Variants in LNX2 observed in about 807,000 individuals in gnomAD.
LNX2 encodes the protein ligand of numb-protein X 2, also known as ligand of Numb protein X 2.
In LNX2, 35 loss-of-function variants were observed where a neutral mutation model predicts 66.2. The ratio of observed to expected loss-of-function variants is 0.53; its 90% CI spans 0.40 to 0.70. LNX2 has a LOEUF of 0.70. Ranked by LOEUF, LNX2 falls within the 30% of genes least tolerant of loss-of-function variation. The pLI, the probability that LNX2 is intolerant of heterozygous loss-of-function variation, is 0.00. For synonymous variants in LNX2, 337 were observed against 315.6 expected, an observed-to-expected ratio of 1.07 and a Z score of -0.72; for missense variants, 791 against 850.8, an observed-to-expected ratio of 0.93 and a Z score of 0.87.
chr13:27,548,262 C>T lies in LNX2; in HGVS notation c.*73G>A, dbSNP rs891680612. 4.7e-6 allele frequency: 7 copies of T among 1,494,812 alleles called. No individual in the cohort carries two copies. Among genetic ancestry groups the T allele is most frequent in the Middle Eastern group, 1.8e-4 (1 of 5,642 alleles). 92.6% of individuals were successfully genotyped at this position (1,494,812 alleles called of 1,614,324 possible). Reference sequence around the variant, plus strand: ...GTCAGCAGCTCCTAAACCACAAACACAATGAAACCAAAGGGTTTTCTTTCA... The same window carrying T: ...GTCAGCAGCTCCTAAACCACAAACATAATGAAACCAAAGGGTTTTCTTTCA... On this transcript the variant is annotated 3_prime_UTR_variant, in exon 10 of 10. Transcript: ENST00000316334.
intron 4 of LNX2, among the ~76,000 whole-genome samples, chr13:27,565,881 T>C (rs914367640): frequency 2.6e-5 from 4 of 152,164 alleles, no homozygotes; most frequent in African/African-American, 7.2e-5. Flanking sequence ...CTGGCTGCCT[T>C]TGTAGACTCC....
chr13:27,548,603 A>G lies in LNX2; in HGVS notation c.1938-133T>C, dbSNP rs1371765989. On this transcript the variant is annotated intron_variant, in intron 9 of 9. Transcript: ENST00000316334. ...TGTCAATGGTTAGGGTGTATAATCT[A>G]CTTTGTCTGGGACAGCCCTTAAGCC... The G allele has an allele frequency of 1.3e-5, 13 of 991,500 alleles. No homozygotes were observed. In the Admixed American group the frequency reaches 3.8e-4, roughly 29 times the overall value. 61.4% of individuals were successfully genotyped at this position (991,500 alleles called of 1,614,324 possible).
At chr13:27,600,988 T>C (rs1280956585) in intron 1 of LNX2, among the ~76,000 whole-genome samples, 1 of 152,246 alleles carries the variant, frequency 6.6e-6, no homozygotes, top group African/African-American at 2.4e-5. Context: ...ACCATATTAC[T>C]TGACTGCTTC....
chr13:27,589,915 C>T (rs1172000306), intron 1 of LNX2, among the ~76,000 whole-genome samples: 1 of 152,226 alleles, frequency 6.6e-6, no homozygotes, highest in African/African-American at 2.4e-5. Flanking sequence ...GGGCTTTCTT[C>T]ATTAACAGCA....
chr13:27,583,502 C>T (rs1299067264), intron 1 of LNX2, among the ~76,000 whole-genome samples: 1 of 129,978 alleles, frequency 7.7e-6, no homozygotes, highest in Non-Finnish European at 1.6e-5. Context: ...AGGTGATCCA[C>T]CCACCTTGGC....
chr13:27,551,969 A>G (rs545801964), intron 8 of LNX2, among the ~76,000 whole-genome samples: 54 of 152,352 alleles, frequency 3.5e-4, no homozygotes, highest in African/African-American at 1.2e-3. Context: ...AGGAGGACAC[A>G]TGGCTGTTGA....
At position 27,583,228 on chromosome 13, in the gene LNX2, G is replaced by T. The variant is rs1566124769; in HGVS notation, c.-100-1425C>A. Among the ~76,000 whole-genome samples, 222 of 27,834 alleles carry T rather than the reference G, an allele frequency of 8.0e-3. 38 individuals are homozygous for T. Among genetic ancestry groups the T allele is most frequent in the African/African-American group, 0.033 (147 of 4,486 alleles). 18.3% of individuals were successfully genotyped at this position (27,834 alleles called of 152,430 possible). On this transcript the variant is annotated intron_variant, in intron 1 of 9. Transcript: ENST00000316334. ...TGTGTGTGTGTGTGTGTGTGTGTGT[G>T]TGTGTGTGTGTGTGTGTGTGTGTGT...
At position 27,547,644 on chromosome 13, in the gene LNX2, C is replaced by G. The variant is rs1241949438; in HGVS notation, c.*691G>C. The G allele has an allele frequency of 6.6e-6, 1 of 152,272 alleles. No individual in the cohort carries two copies. The highest frequency in any genetic ancestry group is 2.1e-4 in the South Asian group (1 of 4,832). 9.4% of individuals were successfully genotyped at this position (152,272 alleles called of 1,614,324 possible). A position where few individuals can be genotyped will look rare whatever the true frequency, so the allele number is the denominator to read the frequency against. On this transcript the variant is annotated 3_prime_UTR_variant, in exon 10 of 10. Transcript: ENST00000316334. The stretch of plus-strand genomic sequence containing the variant: ...GGCTGAGGCGGGCAGATCACAAGGT[C>G]AGGAGATCGAGACCATCCTGGCTAA...
intron 2 of LNX2, 152 bp from the exon 3 acceptor site, chr13:27,569,428 C>A: frequency 1.4e-6 from 1 of 738,324 alleles, no homozygotes; most frequent in South Asian, 1.9e-5. Context: ...TCTCCACTCA[C>A]ACTAAGTTCT....
At chr13:27,612,148 T>C (rs1323474769) in intron 1 of LNX2, among the ~76,000 whole-genome samples, 1 of 152,226 alleles carries the variant, frequency 6.6e-6, no homozygotes, top group African/African-American at 2.4e-5. Context: ...CCAGATTATC[T>C]GCAGACTATA....
At chr13:27,620,260 G>A (rs1955882944) in intron 1 of LNX2, 115 bp downstream of exon 1, 1 of 152,210 alleles carries the variant, frequency 6.6e-6, no homozygotes, top group South Asian at 2.1e-4. Context: ...GCGCCGCTCC[G>A]GCCGCCTCCC....
chr13:27,556,968 T>C (rs1955069541), intron 6 of LNX2, among the ~76,000 whole-genome samples: 1 of 152,144 alleles, frequency 6.6e-6, no homozygotes, highest in African/African-American at 2.4e-5. Flanking sequence ...TAAAAGGATA[T>C]AAAATGACTG....
At chr13:27,583,251 T>TC in intron 1 of LNX2, among the ~76,000 whole-genome samples, 1 of 46,626 alleles carries the variant, frequency 2.1e-5, no homozygotes, top group African/African-American at 1.4e-4. Flanking sequence ...TGTGTGTGTG[T>TC]GTGTGCGCGC....
intron 1 of LNX2, among the ~76,000 whole-genome samples, chr13:27,582,720 A>G (rs1161574075): frequency 6.6e-6 from 1 of 152,150 alleles, no homozygotes; most frequent in Non-Finnish European, 1.5e-5. Context: ...GGAGGGGAAC[A>G]TCACACACCA....
chr13:27,584,766 T>C (rs1284993415), intron 1 of LNX2, among the ~76,000 whole-genome samples: 2 of 152,206 alleles, frequency 1.3e-5, no homozygotes, highest in Non-Finnish European at 2.9e-5. Flanking sequence ...GGTGGTGGCA[T>C]AGGATTCAGG....
intron 1 of LNX2, among the ~76,000 whole-genome samples, chr13:27,589,999 G>C (rs1484392738): frequency 6.6e-6 from 1 of 152,174 alleles, no homozygotes; most frequent in East Asian, 1.9e-4. Context: ...ACCCAGGCTG[G>C]AGTGCAGTAG....
In LNX2 at chr13:27,553,409, T is replaced by C. The variant is rs1955027085; in HGVS notation, c.1577A>G (p.Asp526Gly). 2 of 1,614,032 alleles carry C rather than the reference T, an allele frequency of 1.2e-6. No homozygotes were observed. The highest frequency in any genetic ancestry group is 1.7e-6 in the Non-Finnish European group (2 of 1,180,014). ...GDVLLNINGI[D>G]LTNLSHSEAV... is the part of the protein sequence containing the mutation. Reference sequence around the variant, plus strand: ...CTCACTGTGACTTAAATTGGTCAAATCAATGCCGTTGATATTTAGCAACAC... The same window carrying C: ...CTCACTGTGACTTAAATTGGTCAAACCAATGCCGTTGATATTTAGCAACAC... Residue 526 changes from aspartate (D) to glycine (G), a missense_variant, in exon 8 of 10, where the codon GAT becomes GGT. By Grantham distance (94) the Asp-to-Gly change is moderately conservative (BLOSUM62 -1). Coordinates refer to ENST00000316334, the MANE Select transcript of LNX2 (RefSeq NM_153371.4).
chr13:27,578,722 G>A (rs1955367153), intron 2 of LNX2, among the ~76,000 whole-genome samples: 1 of 152,166 alleles, frequency 6.6e-6, no homozygotes, highest in Admixed American at 6.5e-5. Context: ...CACGCACCTA[G>A]TCATTCCCAT....
At chr13:27,612,771 TA>T (rs1221439559) in intron 1 of LNX2, among the ~76,000 whole-genome samples, 1 of 152,084 alleles carries the variant, frequency 6.6e-6, no homozygotes, top group Non-Finnish European at 1.5e-5. Flanking sequence ...GCTGATTTTT[TA>T]TAGAGACAGG....
Sources: allele counts gnomAD v4.1 joint callset (sites outside exome capture counted in the v4.1 genomes callset), GRCh38; gene constraint gnomAD v4.1.1; transcripts MANE v1.5; gene names NCBI Gene and HGNC (gene_info 2026-07-23, HGNC 2026-07-21).